LMO7: variants seen among roughly 807,000 people sequenced by gnomAD.
LMO7 encodes the protein LIM domain 7.
A neutral mutation model predicts 206.5 loss-of-function variants in LMO7; 120 were observed. That is an observed-to-expected ratio of 0.58 (90% confidence interval 0.50 to 0.68). The LOEUF is 0.68. LMO7 is among the 30% of genes least tolerant of loss of function. LMO7 has a pLI of 0.00. For missense variants in LMO7, 1,959 were observed against 1,957.9 expected, an observed-to-expected ratio of 1.00 and a Z score of -0.01; for synonymous variants, 706 against 681.5, an observed-to-expected ratio of 1.04 and a Z score of -0.56.
intron 7 of LMO7, among the ~76,000 whole-genome samples, chr13:75,803,315 G>T (rs2055018839): frequency 6.6e-6 from 1 of 152,172 alleles, no homozygotes; most frequent in African/African-American, 2.4e-5. Context: ...TTTAACTCAG[G>T]TTAACCCTGC....
chr13:75,746,862 ATAG>A (rs1188212867), intron 3 of LMO7, among the ~76,000 whole-genome samples: 1 of 152,138 alleles, frequency 6.6e-6, no homozygotes, highest in Non-Finnish European at 1.5e-5. Context: ...GAAATCTTAA[ATAG>A]TTGAGTAAAC....
chr13:75,647,475 TA>T, intron 1 of LMO7, among the ~76,000 whole-genome samples: 1 of 152,294 alleles, frequency 6.6e-6, no homozygotes, highest in East Asian at 1.9e-4. Context: ...AGCCTGAAAG[TA>T]AGCAAGTATC....
intron 1 of LMO7, among the ~76,000 whole-genome samples, chr13:75,690,135 A>G (rs1005798475): frequency 2.0e-5 from 3 of 148,392 alleles, no homozygotes; most frequent in East Asian, 2.0e-4. Flanking sequence ...GGGTCTTACT[A>G]TGTTGTCCAG....
chr13:75,734,674 T>C lies in LMO7; in HGVS notation c.210+7576T>C, dbSNP rs779426228. Among the ~76,000 whole-genome samples, 66 of 152,348 alleles carry C rather than the reference T, an allele frequency of 4.3e-4. 2 individuals are homozygous for C. Among genetic ancestry groups the C allele is most frequent in the Admixed American group, 1.7e-3 (26 of 15,300 alleles). On this transcript the variant is annotated intron_variant, in intron 3 of 30. Transcript: ENST00000377534. Reference sequence around the variant, plus strand: ...AAGGAATGAAAAATTTTTAATAATTTTATTTCAAAATAAAATATACATAAA... The same window carrying C: ...AAGGAATGAAAAATTTTTAATAATTCTATTTCAAAATAAAATATACATAAA...
intron 3 of LMO7, among the ~76,000 whole-genome samples, chr13:75,740,442 A>C (rs1416965814): frequency 6.6e-6 from 1 of 152,238 alleles, no homozygotes; most frequent in Non-Finnish European, 1.5e-5. Flanking sequence ...TGACAGAGTG[A>C]GACTCCATCT....
intron 3 of LMO7, chr13:75,760,420 C>T: frequency 1.8e-6 from 2 of 1,101,776 alleles, no homozygotes; most frequent in South Asian, 7.1e-5. Flanking sequence ...CAACCAAACC[C>T]AGATTCCAGG....
rs144822373 is a variant in LMO7, at chr13:75,794,101, A to C, written c.318-1300A>C. The stretch of plus-strand genomic sequence containing the variant: ...GCTTCTAGTTTTTGTTGCGATGAAT[A>C]GTGCTGTGATAAACATTCTTGTATA... On this transcript the variant is annotated intron_variant, in intron 4 of 30. Transcript: ENST00000377534. Among the ~76,000 whole-genome samples, 17 of 152,362 alleles carry C rather than the reference A, an allele frequency of 1.1e-4. No individual in the cohort carries two copies. In the East Asian group the frequency reaches 3.3e-3, roughly 29 times the overall value.
chr13:75,836,503 AT>A lies in LMO7; in HGVS notation c.3394+47del. 3 of 981,130 alleles carry A rather than the reference AT, an allele frequency of 3.1e-6. No homozygotes were observed. In the South Asian group the frequency reaches 4.6e-5, roughly 15 times the overall value. The allele number at this position is 981,130 out of a possible 1,614,324, so 60.8% of individuals were successfully genotyped here. On this transcript the variant is annotated intron_variant, in intron 19 of 30. Transcript: ENST00000377534. ...TTACATTTATAATACAGGAAAAGAC[AT>A]AGCACTCAAGTTCTGCTGTTATAAA...
intron 23 of LMO7, 146 bp from the exon 24 acceptor site, chr13:75,841,482 A>C (rs1429712803): frequency 3.2e-6 from 2 of 632,232 alleles, no homozygotes; most frequent in East Asian, 2.7e-5. Flanking sequence ...TAGCTTCTTT[A>C]GTGGTAAAAA....
chr13:75,667,937 A>G (rs564470447), intron 1 of LMO7, among the ~76,000 whole-genome samples: 1 of 152,226 alleles, frequency 6.6e-6, no homozygotes, highest in Non-Finnish European at 1.5e-5. Flanking sequence ...GGCTGGGCGC[A>G]GTGGCTCATG....
At chr13:75,652,614 A>AGT (rs59671117) in intron 1 of LMO7, among the ~76,000 whole-genome samples, 38,992 of 137,582 alleles carry the variant, frequency 0.28, 5,536 homozygotes, top group African/African-American at 0.34. Context: ...CCACAAGTTC[A>AGT]GTGTGTGTGT....
intron 25 of LMO7, among the ~76,000 whole-genome samples, 159 bp from the exon 26 acceptor site, chr13:75,845,167 GA>G (rs1197736565): frequency 6.6e-6 from 1 of 152,182 alleles, no homozygotes; most frequent in East Asian, 1.9e-4. Context: ...GTGAGTTTGT[GA>G]AAGATGAAAA....
intron 13 of LMO7, among the ~76,000 whole-genome samples, chr13:75,820,555 A>C (rs1030135615): frequency 2.6e-5 from 4 of 152,214 alleles, no homozygotes; most frequent in African/African-American, 4.8e-5. Flanking sequence ...CTTGTGGATA[A>C]AATTTTGTGA....
intron 1 of LMO7, among the ~76,000 whole-genome samples, chr13:75,673,603 C>G (rs2039770826): frequency 6.6e-6 from 1 of 152,150 alleles, no homozygotes; most frequent in South Asian, 2.1e-4. Context: ...TGGGACTGGT[C>G]TTTAGCTGTG....
intron 1 of LMO7, among the ~76,000 whole-genome samples, chr13:75,679,530 A>T (rs749204632): frequency 1.3e-5 from 2 of 152,206 alleles, no homozygotes; most frequent in Non-Finnish European, 2.9e-5. Context: ...TAAACTGCAG[A>T]TTCCTGGCTC....
intron 4 of LMO7, among the ~76,000 whole-genome samples, chr13:75,771,035 G>A (rs2049579863): frequency 6.6e-6 from 1 of 152,046 alleles, no homozygotes; most frequent in African/African-American, 2.4e-5. Flanking sequence ...ATCATGAGTT[G>A]CTTTTTAACC....
intron 1 of LMO7, among the ~76,000 whole-genome samples, chr13:75,661,494 A>G (rs2038598449): frequency 6.6e-6 from 1 of 152,210 alleles, no homozygotes; most frequent in Non-Finnish European, 1.5e-5. Flanking sequence ...GGAGGAAAGT[A>G]AGAAGCTGTT....
At chr13:75,691,844 G>C (rs770143737) in intron 1 of LMO7, among the ~76,000 whole-genome samples, 4 of 152,046 alleles carry the variant, frequency 2.6e-5, no homozygotes, top group African/African-American at 4.8e-5. Flanking sequence ...ACTGCGCCCA[G>C]CTGCCTCCTC....
chr13:75,730,359 G>C (rs1158559039), intron 3 of LMO7, among the ~76,000 whole-genome samples: 1 of 152,214 alleles, frequency 6.6e-6, no homozygotes, highest in Non-Finnish European at 1.5e-5. Context: ...AGTCTTGGGA[G>C]AGTGTATGTG....
Sources: allele counts gnomAD v4.1 joint callset (sites outside exome capture counted in the v4.1 genomes callset), GRCh38; gene constraint gnomAD v4.1.1; transcripts MANE v1.5; gene names NCBI Gene and HGNC (gene_info 2026-07-23, HGNC 2026-07-21).